The following SPPL3 variants were observed in gnomAD, a reference collection of about 807,000 sequenced individuals.
SPPL3 encodes the protein signal peptide peptidase-like 3.
Under a neutral mutation model 42.4 loss-of-function variants are expected in SPPL3, and 5 were observed. The ratio of observed to expected loss-of-function variants is 0.12; its 90% CI spans 0.06 to 0.25. SPPL3 has a LOEUF of 0.25. Among genes scored for constraint, SPPL3 ranks in the 10% least tolerant of loss-of-function variants. SPPL3 has a pLI of 1.00. For missense variants in SPPL3, 235 were observed against 489.0 expected (o/e 0.48, Z 4.90); for synonymous variants, 195 against 181.8 (o/e 1.07, Z -0.58).
chr12:120,795,861 T>G (rs547676446), intron 2 of SPPL3, among the ~76,000 whole-genome samples: 2 of 152,192 alleles, frequency 1.3e-5, no homozygotes, highest in East Asian at 3.9e-4. Flanking sequence ...CCACTGGAGG[T>G]TTCTCTCTAA....
Position 120,774,371 on chromosome 12 carries a change from C to T in SPPL3, c.503-5312G>A, listed in dbSNP as rs138698828. On this transcript the variant is annotated intron_variant, in intron 6 of 10. Transcript: ENST00000353487. ...GGTCACCAGGTTCCCTTCTCTATGA[C>T]GAATCAAGTCTAATTATAAAGTTGC... Among the ~76,000 whole-genome samples the T allele has an allele frequency of 9.8e-5, 15 of 152,292 alleles. No individual in the cohort carries two copies. The East Asian group carries it at 2.1e-3, about 22-fold the overall frequency.
intron 1 of SPPL3, among the ~76,000 whole-genome samples, chr12:120,849,490 A>G (rs1300089186): frequency 6.6e-6 from 1 of 152,246 alleles, no homozygotes; most frequent in African/African-American, 2.4e-5. Flanking sequence ...AAGGTTACCA[A>G]GATATAGCAA....
At chr12:120,890,998 G>A (rs1873623263) in intron 1 of SPPL3, among the ~76,000 whole-genome samples, 1 of 152,186 alleles carries the variant, frequency 6.6e-6, no homozygotes, top group Non-Finnish European at 1.5e-5. Context: ...TTCCAGAGAT[G>A]TCTTGGGCCA....
chr12:120,867,224 G>T (rs957458447), intron 1 of SPPL3, among the ~76,000 whole-genome samples: 1 of 152,086 alleles, frequency 6.6e-6, no homozygotes, highest in African/African-American at 2.4e-5. Flanking sequence ...GTGTAATGTT[G>T]TCAGTGCAAA....
intron 1 of SPPL3, among the ~76,000 whole-genome samples, chr12:120,872,123 T>C (rs746361470): frequency 9.9e-5 from 15 of 152,226 alleles, no homozygotes; most frequent in Non-Finnish European, 2.2e-4. Flanking sequence ...AGAATGTGTG[T>C]TGTTTTATCA....
intron 2 of SPPL3, among the ~76,000 whole-genome samples, chr12:120,809,672 T>C (rs1870617358): frequency 6.6e-6 from 1 of 152,158 alleles, no homozygotes; most frequent in Non-Finnish European, 1.5e-5. Context: ...GTGTCTCTAG[T>C]GTCTATATTT....
intron 1 of SPPL3, among the ~76,000 whole-genome samples, chr12:120,821,095 G>C (rs1217349441): frequency 6.6e-6 from 1 of 152,180 alleles, no homozygotes; most frequent in Non-Finnish European, 1.5e-5. Flanking sequence ...AAATTCATAT[G>C]AAAGAAAGGT....
At chr12:120,890,588 C>CAAAAAAAAAAAAAAAA (rs34253596) in intron 1 of SPPL3, among the ~76,000 whole-genome samples, 1 of 91,460 alleles carries the variant, frequency 1.1e-5, no homozygotes, top group African/African-American at 4.3e-5. Flanking sequence ...GACTCCGTCT[C>CAAAAAAAAAAAAAAAA]AAAAAAAAAA....
At chr12:120,887,901 T>C (rs1421247471) in intron 1 of SPPL3, among the ~76,000 whole-genome samples, 1 of 152,294 alleles carries the variant, frequency 6.6e-6, no homozygotes, top group South Asian at 2.1e-4. Flanking sequence ...ATCTCACACA[T>C]TGCTGGTGGT....
chr12:120,901,732 A>C (rs1873990876), intron 1 of SPPL3: 1 of 279,130 alleles, frequency 3.6e-6, no homozygotes, highest in Admixed American at 6.5e-5. Context: ...GATTTCAAGG[A>C]GTTTCTTTGC....
chr12:120,771,056 G>A (rs1348849496), intron 6 of SPPL3, among the ~76,000 whole-genome samples: 2 of 152,142 alleles, frequency 1.3e-5, no homozygotes, highest in East Asian at 1.9e-4. Flanking sequence ...CTCTCCTGGC[G>A]TGCATTGCTG....
At chr12:120,902,974 G>A (rs1874030367) in intron 1 of SPPL3, among the ~76,000 whole-genome samples, 1 of 152,064 alleles carries the variant, frequency 6.6e-6, no homozygotes, top group African/African-American at 2.4e-5. Flanking sequence ...TCCCTTCTCC[G>A]GATATGTAGG....
chr12:120,835,610 T>C (rs992579854), intron 1 of SPPL3: 1 of 152,222 alleles, frequency 6.6e-6, no homozygotes, highest in African/African-American at 2.4e-5. Context: ...TTCTCCCTCT[T>C]AAAAGATCTC....
chr12:120,804,592 A>G (rs1160857862), intron 2 of SPPL3, among the ~76,000 whole-genome samples: 2 of 152,234 alleles, frequency 1.3e-5, no homozygotes, highest in African/African-American at 4.8e-5. Context: ...AAAGATAGAT[A>G]ATAACAAGTG....
At chr12:120,781,161 G>C (rs1869523150) in intron 6 of SPPL3, among the ~76,000 whole-genome samples, 1 of 152,096 alleles carries the variant, frequency 6.6e-6, no homozygotes, top group Non-Finnish European at 1.5e-5. Context: ...TCAATAAAAA[G>C]CACTCCATTC....
At chr12:120,805,053 T>G (rs2087384304) in intron 2 of SPPL3, among the ~76,000 whole-genome samples, 1 of 152,090 alleles carries the variant, frequency 6.6e-6, no homozygotes, top group Non-Finnish European at 1.5e-5. Flanking sequence ...GGTAGATTCA[T>G]GGTTGCCTAG....
chr12:120,854,604 A>T (rs1256669272), intron 1 of SPPL3, among the ~76,000 whole-genome samples: 1 of 152,208 alleles, frequency 6.6e-6, no homozygotes, highest in African/African-American at 2.4e-5. Flanking sequence ...TATATTCTGT[A>T]TATTTTATTA....
rs960768536 is a variant in SPPL3 at position 120,768,559 on chromosome 12, G to A, written c.610-71C>T. 4 of 1,487,818 alleles carry A rather than the reference G, an allele frequency of 2.7e-6. No individual in the cohort carries two copies. In the African/African-American group the frequency reaches 4.2e-5, roughly 16 times the overall value. 92.2% of individuals were successfully genotyped at this position (1,487,818 alleles called of 1,614,324 possible). A position where few individuals can be genotyped will look rare whatever the true frequency, so the allele number is the denominator to read the frequency against. Reference sequence around the variant, plus strand: ...CCTGCTTTCAGCATCAGCCCTCCTTGCTCTTAAGAGCAGAGTCTCAGAATG... The same window carrying A: ...CCTGCTTTCAGCATCAGCCCTCCTTACTCTTAAGAGCAGAGTCTCAGAATG... On this transcript the variant is annotated intron_variant, in intron 7 of 10. Transcript: ENST00000353487.
Position 120,859,987 on chromosome 12 carries a change from T to C in SPPL3, c.23+43858A>G, listed in dbSNP as rs562660020. Among the ~76,000 whole-genome samples, 48 of 152,252 alleles carry C rather than the reference T, an allele frequency of 3.2e-4. No individual in the cohort carries two copies. The South Asian group carries it at 9.1e-3, about 29-fold the overall frequency. On this transcript the variant is annotated intron_variant, in intron 1 of 10. Coordinates refer to ENST00000353487, the MANE Select transcript of SPPL3 (RefSeq NM_139015.5). ...TGGGTGCAGTGGCTCATTCCTGTAA[T>C]CCCAGCACTTTGGGAGGCCAAGGCG...
Sources: gnomAD v4.1 joint callset for allele counts (sites outside exome capture counted in the v4.1 genomes callset) on GRCh38, gnomAD v4.1.1 for gene constraint, MANE v1.5 for transcripts, NCBI Gene and HGNC (gene_info 2026-07-23, HGNC 2026-07-21) for gene names.